Variants in PAG1 observed in about 807,000 individuals in gnomAD.
The protein encoded by PAG1 is phosphoprotein associated with glycosphingolipid-enriched microdomains 1.
In PAG1, 23 loss-of-function variants were observed where a neutral mutation model predicts 31.7. The ratio of observed to expected loss-of-function variants is 0.73; its 90% CI spans 0.52 to 1.03. The LOEUF (loss-of-function observed/expected upper bound fraction) is 1.03, where lower values mean the gene tolerates loss of function less well. Ranked by LOEUF, PAG1 falls within the 50% of genes least tolerant of loss-of-function variation. PAG1 has a pLI of 0.00. For missense variants in PAG1, 473 were observed against 540.7 expected (o/e 0.87, Z 1.24); for synonymous variants, 214 against 210.3 (o/e 1.02, Z -0.15).
At chr8:80,979,001 T>C (rs1271930401) in intron 8 of PAG1, among the ~76,000 whole-genome samples, 8 of 152,340 alleles carry the variant, frequency 5.3e-5, no homozygotes, top group South Asian at 4.1e-4. Flanking sequence ...ATTGGGGTAA[T>C]AGAACTTAAA....
chr8:81,005,514 G>T (rs960109518), intron 3 of PAG1, among the ~76,000 whole-genome samples: 2 of 152,138 alleles, frequency 1.3e-5, no homozygotes, highest in African/African-American at 2.4e-5. Context: ...AGAGGTTCTT[G>T]TTCATTTCAA....
At chr8:80,992,764 C>T (rs1309546613) in intron 4 of PAG1, among the ~76,000 whole-genome samples, 1 of 152,168 alleles carries the variant, frequency 6.6e-6, no homozygotes, top group East Asian at 1.9e-4. Flanking sequence ...AAAAGATGCG[C>T]ATCACACAAG....
intron 3 of PAG1, among the ~76,000 whole-genome samples, chr8:80,995,894 A>G (rs1807663980): frequency 2.0e-5 from 3 of 152,208 alleles, no homozygotes; most frequent in Admixed American, 2.0e-4. Flanking sequence ...GCAGGGAGAA[A>G]GAGGATGAAA....
chr8:81,001,568 G>T (rs947680096), intron 3 of PAG1, among the ~76,000 whole-genome samples: 6 of 152,028 alleles, frequency 3.9e-5, no homozygotes, highest in African/African-American at 1.4e-4. Flanking sequence ...TCCCTCCAGG[G>T]CCCCCAAGAG....
chr8:81,089,434 G>A (rs1809411277), intron 1 of PAG1, among the ~76,000 whole-genome samples: 1 of 152,154 alleles, frequency 6.6e-6, no homozygotes, highest in Non-Finnish European at 1.5e-5. Context: ...CAGGTGTGGT[G>A]GTGGGTGCCT....
intron 1 of PAG1, among the ~76,000 whole-genome samples, chr8:81,105,597 T>C (rs905706512): frequency 2.6e-5 from 4 of 152,188 alleles, no homozygotes; most frequent in Admixed American, 6.5e-5. Context: ...AAGTATTGTG[T>C]TATGTGTTTT....
At chr8:80,980,337 C>T (rs185786305) in intron 8 of PAG1, 98 bp downstream of exon 8, 4 of 708,426 alleles carry the variant, frequency 5.6e-6, no homozygotes, top group Non-Finnish European at 1.0e-5. Flanking sequence ...GAGAATATTT[C>T]AGCTCTTTCA....
At chr8:81,094,391 C>T (rs1416177753) in intron 1 of PAG1, among the ~76,000 whole-genome samples, 1 of 152,158 alleles carries the variant, frequency 6.6e-6, no homozygotes, top group African/African-American at 2.4e-5. Flanking sequence ...CACTCAGCAA[C>T]CCTCCTCCAC....
At chr8:81,019,226 T>G (rs1269932026) in intron 3 of PAG1, among the ~76,000 whole-genome samples, 3 of 152,198 alleles carry the variant, frequency 2.0e-5, no homozygotes, top group Non-Finnish European at 2.9e-5. Flanking sequence ...TTTGGAAAAT[T>G]TGCAGCCTGA....
chr8:81,077,176 C>CAGTA (rs1485244716), intron 1 of PAG1, among the ~76,000 whole-genome samples: 1 of 152,216 alleles, frequency 6.6e-6, no homozygotes, highest in Non-Finnish European at 1.5e-5. Context: ...CACTCCAGAT[C>CAGTA]TACTGAGTCA....
At chr8:81,004,782 A>T (rs1019798406) in intron 3 of PAG1, among the ~76,000 whole-genome samples, 1 of 152,088 alleles carries the variant, frequency 6.6e-6, no homozygotes, top group African/African-American at 2.4e-5. Flanking sequence ...ATGCCCTTGG[A>T]CTGATGTTGT....
chr8:81,010,144 G>T (rs570963936), intron 3 of PAG1, among the ~76,000 whole-genome samples: 1 of 152,286 alleles, frequency 6.6e-6, no homozygotes, highest in African/African-American at 2.4e-5. Flanking sequence ...GTCATAATCA[G>T]GATGTGGCAA....
intron 1 of PAG1, among the ~76,000 whole-genome samples, chr8:81,083,641 C>G (rs1446954660): frequency 6.6e-6 from 1 of 152,144 alleles, no homozygotes; most frequent in Admixed American, 6.5e-5. Context: ...TCTACCTTTT[C>G]TAGTCCTCTG....
At chr8:81,100,442 T>C (rs1809591376) in intron 1 of PAG1, among the ~76,000 whole-genome samples, 3 of 152,220 alleles carry the variant, frequency 2.0e-5, no homozygotes. Context: ...TAGAAAATTC[T>C]TCCCTGGGGA....
intron 1 of PAG1, among the ~76,000 whole-genome samples, chr8:81,080,961 G>A (rs9650271): frequency 0.1 from 15,815 of 152,096 alleles, 1,167 homozygotes; most frequent in Non-Finnish European, 0.15. Flanking sequence ...GATACTAATA[G>A]CCTATGCAGA....
chr8:80,985,212 G>A lies in PAG1; in HGVS notation c.440C>T (p.Thr147Met), dbSNP rs373608734. 3.9e-5 allele frequency: 63 copies of A among 1,613,904 alleles called. No individual in the cohort carries two copies. Among genetic ancestry groups the A allele is most frequent in the Admixed American group, 1.2e-4 (7 of 59,998 alleles). ...CTGGTCCCCGTCCACACTTCTCGCC[G>A]TGAGCATGGTATCCACTGCGCTCTC... ...PPESAVDTML[T>M]ARSVDGDQGL... Residue 147 changes from threonine (T) to methionine (M), a missense_variant, in exon 7 of 9, where the codon ACG (threonine) becomes ATG (methionine). By Grantham distance (81) the Thr-to-Met change is moderately conservative. Transcript: ENST00000220597.
At chr8:81,047,932 T>C (rs558388749) in intron 2 of PAG1, among the ~76,000 whole-genome samples, 11 of 152,344 alleles carry the variant, frequency 7.2e-5, no homozygotes, top group African/African-American at 1.9e-4. Flanking sequence ...TTCAGTGTTC[T>C]AGGATAAAGA....
chr8:81,049,874 C>A (rs1035540582), intron 2 of PAG1, among the ~76,000 whole-genome samples: 6 of 152,118 alleles, frequency 3.9e-5, no homozygotes, highest in African/African-American at 1.4e-4. Flanking sequence ...TGCTGACTCC[C>A]AGTAGTTAAT....
In PAG1 at chr8:80,973,551, T is replaced by A. The variant is rs550920397; in HGVS notation, c.*2993A>T. On this transcript the variant is annotated 3_prime_UTR_variant, in exon 9 of 9. Coordinates refer to ENST00000220597, the MANE Select transcript of PAG1 (RefSeq NM_018440.4). ...AATTCTTACTTACAAGATAAAAAAA[T>A]TTCCTAAAATTTATTTTTAAATTTC... 2 of 152,328 alleles carry A rather than the reference T, an allele frequency of 1.3e-5. No homozygotes were observed. Among genetic ancestry groups the A allele is most frequent in the African/African-American group, 2.4e-5 (1 of 41,578 alleles). The allele number at this position is 152,328 out of a possible 1,614,324, so 9.4% of individuals were successfully genotyped here. A position where few individuals can be genotyped will look rare whatever the true frequency, so the allele number is the denominator to read the frequency against.
Sources: gnomAD v4.1 joint callset for allele counts (sites outside exome capture counted in the v4.1 genomes callset) on GRCh38, gnomAD v4.1.1 for gene constraint, MANE v1.5 for transcripts, NCBI Gene and HGNC (gene_info 2026-07-23, HGNC 2026-07-21) for gene names.